Variants in PLCB4 observed in about 807,000 individuals in gnomAD.
The protein encoded by PLCB4 is 1-phosphatidylinositol 4,5-bisphosphate phosphodiesterase beta-4.
Under a neutral mutation model 178.8 loss-of-function variants are expected in PLCB4, and 77 were observed. That is an observed-to-expected ratio of 0.43 (90% CI 0.36 to 0.52). PLCB4 has a LOEUF of 0.52. Among genes scored for constraint, PLCB4 ranks in the 20% least tolerant of loss-of-function variants. PLCB4 has a pLI of 0.00. For synonymous variants in PLCB4, 496 were observed against 490.8 expected (o/e 1.01, Z -0.14); for missense variants, 1,024 against 1,453.4 (o/e 0.70, Z 4.80).
chr20:9,387,775 A>G (rs1030682666), intron 15 of PLCB4, among the ~76,000 whole-genome samples: 5 of 152,250 alleles, frequency 3.3e-5, no homozygotes, highest in Non-Finnish European at 4.4e-5. Context: ...GTGTTACATA[A>G]CAAGGTTTCT....
At position 9,423,756 on chromosome 20, in the gene PLCB4, G is replaced by A; in HGVS notation, c.2328G>A (p.Leu776=). Reference sequence around the variant, plus strand: ...TCCTGTTCTGTTTGCAGGTGATCCTGCCGGACCTGGCTGTCTTGAGAATAG... The same window carrying A: ...TCCTGTTCTGTTTGCAGGTGATCCTACCGGACCTGGCTGTCTTGAGAATAG... The part of the protein sequence containing the change: ...EESFVFRKVI[L]PDLAVLRIAV... Residue 776 remains leucine (L), a synonymous_variant, in exon 28 of 40, where the codon CTG becomes CTA. Coordinates refer to ENST00000378473, the MANE Select transcript of PLCB4 (RefSeq NM_001377142.1). 6.2e-7 allele frequency: 1 copy of A among 1,613,492 alleles called. No homozygotes were observed. Among genetic ancestry groups the A allele is most frequent in the Non-Finnish European group, 8.5e-7 (1 of 1,179,658 alleles).
At chr20:9,356,768 C>T (rs1484361691) in intron 7 of PLCB4, among the ~76,000 whole-genome samples, 2 of 152,174 alleles carry the variant, frequency 1.3e-5, no homozygotes, top group Non-Finnish European at 2.9e-5. Context: ...GCAATTTAGG[C>T]ACCTTGAAAG....
chr20:9,138,478 A>G (rs2092427203), intron 2 of PLCB4, among the ~76,000 whole-genome samples: 1 of 152,078 alleles, frequency 6.6e-6, no homozygotes, highest in African/African-American at 2.4e-5. Context: ...TTAATTCAGG[A>G]GCATCTCAAA....
chr20:9,393,765 C>T lies in PLCB4; in HGVS notation c.1414+87C>T, dbSNP rs572186101. 1.8e-5 allele frequency: 16 copies of T among 912,792 alleles called. No individual in the cohort carries two copies. The South Asian group carries it at 2.1e-4, about 12-fold the overall frequency. 56.5% of individuals were successfully genotyped at this position (912,792 alleles called of 1,614,324 possible). A position where few individuals can be genotyped will look rare whatever the true frequency, so the allele number is the denominator to read the frequency against. ...TTGAGAATTCAATTTATTTTAAAACCACTGATTTTTGGGGGAAGGGTGTAG... is the reference window on the plus strand; with the variant it reads ...TTGAGAATTCAATTTATTTTAAAACTACTGATTTTTGGGGGAAGGGTGTAG... On this transcript the variant is annotated intron_variant, in intron 18 of 39. Transcript: ENST00000378473.
chr20:9,308,029 A>G (rs1423146841), intron 4 of PLCB4, 131 bp downstream of exon 4: 2 of 478,306 alleles, frequency 4.2e-6, no homozygotes, highest in African/African-American at 3.9e-5. Flanking sequence ...AGTTGTTGAA[A>G]AGAGGCAAGT....
chr20:9,169,525 G>A (rs1029999423), intron 2 of PLCB4, among the ~76,000 whole-genome samples: 2 of 151,750 alleles, frequency 1.3e-5, no homozygotes, highest in African/African-American at 4.8e-5. Context: ...GGAGGCAGAG[G>A]TTGCAGTAAG....
intron 4 of PLCB4, among the ~76,000 whole-genome samples, chr20:9,319,913 A>T (rs1403252485): frequency 4.6e-5 from 7 of 152,148 alleles, no homozygotes; most frequent in Admixed American, 4.6e-4. Context: ...ACAGTAGTAA[A>T]TCACTACTAC....
At chr20:9,215,659 C>T (rs532689073) in intron 2 of PLCB4, among the ~76,000 whole-genome samples, 1 of 152,256 alleles carries the variant, frequency 6.6e-6, no homozygotes, top group South Asian at 2.1e-4. Flanking sequence ...TTATTTGCTT[C>T]ATGGTAAAAT....
intron 2 of PLCB4, among the ~76,000 whole-genome samples, chr20:9,099,814 C>T (rs66490473): frequency 4.0e-4 from 61 of 152,108 alleles, no homozygotes; most frequent in Non-Finnish European, 7.9e-4. Flanking sequence ...TCTTCCAGCT[C>T]CCCTCCCTTT....
intron 2 of PLCB4, among the ~76,000 whole-genome samples, chr20:9,108,406 C>T (rs1225757900): frequency 1.3e-5 from 2 of 152,010 alleles, no homozygotes; most frequent in Non-Finnish European, 2.9e-5. Context: ...AAACCAAGGG[C>T]ATATGGCGTC....
intron 2 of PLCB4, among the ~76,000 whole-genome samples, chr20:9,179,531 T>C (rs2093211358): frequency 6.6e-6 from 1 of 152,224 alleles, no homozygotes; most frequent in South Asian, 2.1e-4. Flanking sequence ...TACAGAACTG[T>C]AAGATGACAT....
At chr20:9,112,036 T>TA (rs1019238737) in intron 2 of PLCB4, among the ~76,000 whole-genome samples, 3 of 152,228 alleles carry the variant, frequency 2.0e-5, no homozygotes, top group South Asian at 4.1e-4. Flanking sequence ...TAGACCAAAT[T>TA]AAAAAAATGG....
intron 2 of PLCB4, among the ~76,000 whole-genome samples, chr20:9,216,971 T>C (rs1164330598): frequency 6.6e-6 from 1 of 152,218 alleles, no homozygotes; most frequent in African/African-American, 2.4e-5. Context: ...AAAAAGACTC[T>C]CTTTGCAAAT....
At chr20:9,156,816 G>A (rs1469548845) in intron 2 of PLCB4, among the ~76,000 whole-genome samples, 1 of 54,614 alleles carries the variant, frequency 1.8e-5, no homozygotes, top group Non-Finnish European at 3.3e-5. Context: ...TGGTTACAGG[G>A]TTGCCTCCCT....
At chr20:9,131,057 C>T (rs1295964635) in intron 2 of PLCB4, among the ~76,000 whole-genome samples, 1 of 152,088 alleles carries the variant, frequency 6.6e-6, no homozygotes, top group East Asian at 1.9e-4. Context: ...GTACTAATAG[C>T]ATAACTTGAC....
intron 2 of PLCB4, among the ~76,000 whole-genome samples, chr20:9,167,642 G>T (rs976121734): frequency 6.6e-6 from 1 of 152,120 alleles, no homozygotes; most frequent in Non-Finnish European, 1.5e-5. Flanking sequence ...AAGTTGGTTT[G>T]TGTATTTGGT....
chr20:9,106,868 T>C (rs1273128545), intron 2 of PLCB4, among the ~76,000 whole-genome samples: 1 of 152,200 alleles, frequency 6.6e-6, no homozygotes, highest in Non-Finnish European at 1.5e-5. Flanking sequence ...CTAACATCTT[T>C]GGTGATAGAG....
rs147209318 is a variant in PLCB4, at chr20:9,379,951, G to A, written c.745-103G>A. The A allele has an allele frequency of 1.4e-3, 845 of 594,950 alleles. 10 individuals are homozygous for A. The highest frequency in any genetic ancestry group is 0.011 in the African/African-American group (547 of 51,748). The allele number at this position is 594,950 out of a possible 1,614,324, so 36.9% of individuals were successfully genotyped here. The stretch of plus-strand genomic sequence containing the variant: ...GTCCTATCTTTGTAATTATAAACAT[G>A]ACAGTCTAGATATATTTTGTTTTAT... On this transcript the variant is annotated intron_variant, in intron 12 of 39. Transcript: ENST00000378473.
At chr20:9,367,200 G>T (rs749865963) in intron 9 of PLCB4, among the ~76,000 whole-genome samples, 1 of 152,156 alleles carries the variant, frequency 6.6e-6, no homozygotes, top group Non-Finnish European at 1.5e-5. Flanking sequence ...ACGACCTAAA[G>T]TATCCATGTG....
Sources: allele counts gnomAD v4.1 joint callset (sites outside exome capture counted in the v4.1 genomes callset), GRCh38; gene constraint gnomAD v4.1.1; transcripts MANE v1.5; gene names NCBI Gene and HGNC (gene_info 2026-07-23, HGNC 2026-07-21).